ERCC6L2: variants seen among roughly 807,000 people sequenced by gnomAD.
ERCC6L2 encodes ERCC excision repair 6 like 2, also known as DNA excision repair protein ERCC-6-like 2.
A neutral mutation model predicts 132.0 loss-of-function variants in ERCC6L2; 77 were observed. That is an observed-to-expected ratio of 0.58 (90% CI 0.49 to 0.71). ERCC6L2 has a LOEUF of 0.71. Among genes scored for constraint, ERCC6L2 ranks in the 30% least tolerant of loss-of-function variants. The probability of loss-of-function intolerance (pLI) is 0.00; values close to 1 mark genes in which losing one functional copy is unlikely to be tolerated. For missense variants in ERCC6L2, 1,542 were observed against 1,837.6 expected (o/e 0.84, Z 2.94); for synonymous variants, 583 against 632.4 (o/e 0.92, Z 1.17).
chr9:95,948,371 G>A (rs555908897), intron 12 of ERCC6L2, among the ~76,000 whole-genome samples: 1 of 152,354 alleles, frequency 6.6e-6, no homozygotes, highest in African/African-American at 2.4e-5. Flanking sequence ...ACTTTAATGA[G>A]GTCAGGCACA....
At chr9:96,018,658 CAG>C (rs1312379735), downstream of ERCC6L2, among the ~76,000 whole-genome samples, 3 of 148,906 alleles carry the variant, frequency 2.0e-5, no homozygotes, top group East Asian at 5.9e-4. Context: ...TTTTTAGAGA[CAG>C]GGTTTCGCCA....
In ERCC6L2 at chr9:96,013,014, G is replaced by T. The variant is rs1041809002; in HGVS notation, c.4464G>T (p.Glu1488Asp). 4.4e-6 allele frequency: 6 copies of T among 1,367,458 alleles called. No homozygotes were observed. Among genetic ancestry groups the T allele is most frequent in the Non-Finnish European group, 5.9e-6 (6 of 1,021,806 alleles). The allele number at this position is 1,367,458 out of a possible 1,614,324, so 84.7% of individuals were successfully genotyped here. ...FWDILNEQND[E>D]SLSKLTDLAV... is the part of the protein sequence containing the mutation. ...ACATCTTGAATGAGCAGAATGATGA[G>T]AGTCTTAGTAAACTCACAGACTTGG... The change falls in exon 19 of 19, where the codon GAG (glutamate) becomes GAT (aspartate). Residue 1488 changes from glutamate (E) to aspartate (D), a missense_variant. Coordinates refer to ENST00000653738, the MANE Select transcript of ERCC6L2 (RefSeq NM_020207.7).
chr9:96,001,057 T>C (rs2133191239), intron 17 of ERCC6L2, among the ~76,000 whole-genome samples: 1 of 152,258 alleles, frequency 6.6e-6, no homozygotes, highest in South Asian at 2.1e-4. Flanking sequence ...CGGTGAGTGT[T>C]ACAGCTCTTA....
At chr9:95,937,860 GCTT>G (rs1830625539) in intron 11 of ERCC6L2, among the ~76,000 whole-genome samples, 1 of 149,286 alleles carries the variant, frequency 6.7e-6, no homozygotes, top group South Asian at 2.1e-4. Context: ...TGCTTTTTTT[GCTT>G]CTTTTTCTAG....
chr9:95,985,714 C>T (rs1272459322), intron 17 of ERCC6L2, among the ~76,000 whole-genome samples: 1 of 152,090 alleles, frequency 6.6e-6, no homozygotes, highest in Non-Finnish European at 1.5e-5. Flanking sequence ...CCGTAGTATA[C>T]GAGGCCTGTC....
At chr9:95,918,515 A>T in intron 6 of ERCC6L2, 1 of 496,884 alleles carries the variant, frequency 2.0e-6, no homozygotes, top group Non-Finnish European at 4.1e-6. Flanking sequence ...CAACATACCT[A>T]CTTGCTAAAG....
At chr9:96,018,501 C>T (rs754664121), downstream of ERCC6L2, among the ~76,000 whole-genome samples, 3 of 152,088 alleles carry the variant, frequency 2.0e-5, no homozygotes, top group Non-Finnish European at 4.4e-5. Context: ...CACTCTGTCA[C>T]CTAGGTTGGA....
At chr9:96,026,658 ACACACCACACACAG>A (rs1449266213) in intron 19 of ERCC6L2, among the ~76,000 whole-genome samples, 9 of 140,312 alleles carry the variant, frequency 6.4e-5, no homozygotes, top group South Asian at 2.3e-4. Flanking sequence ...CCACACACAA[ACACACCACACACAG>A]CACACCACAC....
At chr9:96,040,786 G>A (rs1447702305) in intron 20 of ERCC6L2, among the ~76,000 whole-genome samples, 2 of 152,200 alleles carry the variant, frequency 1.3e-5, no homozygotes, top group Admixed American at 6.5e-5. Context: ...CACTCTAGAA[G>A]TGAAAGGAGA....
intron 19 of ERCC6L2, among the ~76,000 whole-genome samples, chr9:96,035,629 A>G (rs689980): frequency 0.63 from 95,943 of 152,102 alleles, 30,443 homozygotes; most frequent in East Asian, 0.85. Flanking sequence ...GAGGGGAGCT[A>G]TCCACTGTGG....
chr9:95,890,591 A>G (rs1265338461), intron 2 of ERCC6L2, among the ~76,000 whole-genome samples: 2 of 152,232 alleles, frequency 1.3e-5, no homozygotes, highest in Non-Finnish European at 2.9e-5. Flanking sequence ...TGCAAAAGCT[A>G]CTTTGTTTAT....
At chr9:95,949,922 G>C (rs1831250410) in intron 12 of ERCC6L2, among the ~76,000 whole-genome samples, 1 of 151,896 alleles carries the variant, frequency 6.6e-6, no homozygotes, top group African/African-American at 2.4e-5. Flanking sequence ...GCAGAGAATT[G>C]CTTGAACCTG....
At position 95,933,845 on chromosome 9, in the gene ERCC6L2, CAAAA is replaced by C. The variant is rs10609411; in HGVS notation, c.1751+4997_1751+5000del. Among the ~76,000 whole-genome samples, 452 of 119,440 alleles carry C rather than the reference CAAAA, an allele frequency of 3.8e-3. 2 individuals are homozygous for C. The highest frequency in any genetic ancestry group is 0.012 in the African/African-American group (370 of 31,536). 78.4% of individuals were successfully genotyped at this position (119,440 alleles called of 152,430 possible). On this transcript the variant is annotated intron_variant, in intron 11 of 18. Transcript: ENST00000653738. ...GACAAGACAGAGCAAGACTCTGTCTCAAAAAAAAAAAAAAAAAAAGAAGTCTTGA... is the reference window on the plus strand; with the variant it reads ...GACAAGACAGAGCAAGACTCTGTCTCAAAAAAAAAAAAAAAGAAGTCTTGA...
chr9:95,990,584 C>G (rs977227885), intron 17 of ERCC6L2, among the ~76,000 whole-genome samples: 2 of 152,180 alleles, frequency 1.3e-5, no homozygotes, highest in Non-Finnish European at 2.9e-5. Context: ...TGGAGTGGCT[C>G]GTTTCAGCCC....
At chr9:95,895,075 G>A (rs1828381450) in intron 2 of ERCC6L2, among the ~76,000 whole-genome samples, 1 of 152,066 alleles carries the variant, frequency 6.6e-6, no homozygotes, top group South Asian at 2.1e-4. Context: ...ATCTACCATT[G>A]TGCTTGTGGA....
intron 13 of ERCC6L2, among the ~76,000 whole-genome samples, chr9:95,965,151 GT>G (rs898725406): frequency 7.2e-5 from 11 of 151,754 alleles, no homozygotes; most frequent in African/African-American, 2.4e-4. Flanking sequence ...GGTCCCGAGG[GT>G]TTTTTTTAAG....
chr9:95,944,849 G>T (rs1014418706), intron 12 of ERCC6L2, among the ~76,000 whole-genome samples: 2 of 152,050 alleles, frequency 1.3e-5, no homozygotes, highest in Admixed American at 6.6e-5. Flanking sequence ...AAAAGGGGAG[G>T]GAGTGTACGA....
At chr9:95,879,108 T>C (rs1827452403) in intron 1 of ERCC6L2, among the ~76,000 whole-genome samples, 3 of 151,738 alleles carry the variant, frequency 2.0e-5, no homozygotes, top group African/African-American at 4.8e-5. Flanking sequence ...TGAACTAGTT[T>C]ACAGTCCCAC....
rs767624679 is a variant in ERCC6L2 at position 96,012,797 on chromosome 9, C to T, written c.4247C>T (p.Pro1416Leu). Residue 1416 changes from proline to leucine, a missense_variant, in exon 19 of 19, where the codon CCC becomes CTC. Physicochemically the swap from Pro to Leu is moderately conservative, Grantham distance 98. This residue lies in a region of ERCC6L2 where 442 missense variants were observed against 583.4 expected (regional missense o/e 0.76). Coordinates refer to ENST00000653738, the MANE Select transcript of ERCC6L2 (RefSeq NM_020207.7). Reference protein sequence around the residue: ...LTRTGISRKEPLLKLENKKIE... With the variant: ...LTRTGISRKELLLKLENKKIE... ...AGAACGGGCATTTCAAGAAAAGAAC[C>T]CCTTCTCAAATTGGAAAACAAAAAG... 7.3e-7 allele frequency: 1 copy of T among 1,367,468 alleles called. No individual in the cohort carries two copies. Among genetic ancestry groups the T allele is most frequent in the East Asian group, 4.5e-5 (1 of 21,994 alleles). 84.7% of individuals were successfully genotyped at this position (1,367,468 alleles called of 1,614,324 possible).
Sources: allele counts gnomAD v4.1 joint callset (sites outside exome capture counted in the v4.1 genomes callset), GRCh38; gene constraint gnomAD v4.1.1; regional missense constraint gnomAD v4.1.1; transcripts MANE v1.5; gene names NCBI Gene and HGNC (gene_info 2026-07-23, HGNC 2026-07-21).